PDE1C: variants seen among roughly 807,000 people sequenced by gnomAD.
The protein encoded by PDE1C is phosphodiesterase 1C.
In PDE1C, 62 loss-of-function variants were observed where a neutral mutation model predicts 93.1. The observed-to-expected ratio is 0.67, with a 90% CI of 0.54 to 0.82. PDE1C has a LOEUF of 0.82. Ranked by LOEUF, PDE1C falls within the 40% of genes least tolerant of loss-of-function variation. The pLI, the probability that PDE1C is intolerant of heterozygous loss-of-function variation, is 0.00. For missense variants in PDE1C, 742 were observed against 884.6 expected (o/e 0.84, Z 2.04); for synonymous variants, 325 against 310.1 (o/e 1.05, Z -0.50).
chr7:32,298,998 C>T, exon 1 of PDE1C: 1 of 1,263,410 alleles, frequency 7.9e-7, no homozygotes, highest in South Asian at 2.3e-5. Context: ...CCAGAGGCGG[C>T]GAGAGGAGTG....
intron 1 of PDE1C, among the ~76,000 whole-genome samples, chr7:32,387,514 C>T (rs1237723116): frequency 1.4e-5 from 2 of 147,380 alleles, no homozygotes; most frequent in African/African-American, 2.5e-5. Context: ...CTGACCCCCC[C>T]ACCTCCCTCC....
chr7:32,251,060 C>A (rs1809334681), intron 1 of PDE1C, among the ~76,000 whole-genome samples: 1 of 152,198 alleles, frequency 6.6e-6, no homozygotes, highest in East Asian at 1.9e-4. Flanking sequence ...CACATGCGAG[C>A]GTGCACAAGC....
chr7:32,041,933 C>T (rs745909409), intron 2 of PDE1C, among the ~76,000 whole-genome samples: 15 of 151,952 alleles, frequency 9.9e-5, no homozygotes, highest in African/African-American at 9.7e-5. Flanking sequence ...ATCTTTTTGA[C>T]GTTGATTTAT....
intron 3 of PDE1C, among the ~76,000 whole-genome samples, chr7:32,136,080 A>T (rs773314427): frequency 6.6e-6 from 1 of 152,200 alleles, no homozygotes; most frequent in Non-Finnish European, 1.5e-5. Context: ...AGCTCATAGA[A>T]CCAGAGAGTA....
intron 1 of PDE1C, among the ~76,000 whole-genome samples, chr7:32,406,141 C>T (rs1266048897): frequency 6.6e-6 from 1 of 152,158 alleles, no homozygotes; most frequent in Non-Finnish European, 1.5e-5. Context: ...TAAAAGCACA[C>T]TAGAGGCAAA....
chr7:31,732,338 A>C, the PDE1C span, among the ~76,000 whole-genome samples: 2 of 152,062 alleles, frequency 1.3e-5, no homozygotes, highest in South Asian at 4.2e-4. Flanking sequence ...TACAGTGCCC[A>C]GTTGTTGGAC....
chr7:31,895,443 G>C (rs571507125), intron 2 of PDE1C, among the ~76,000 whole-genome samples: 1 of 152,246 alleles, frequency 6.6e-6, no homozygotes, highest in East Asian at 1.9e-4. Context: ...CTGCTGTCTT[G>C]GAGAGTAACA....
At chr7:31,724,341 C>A in the PDE1C span, among the ~76,000 whole-genome samples, 4 of 152,226 alleles carry the variant, frequency 2.6e-5, no homozygotes, top group East Asian at 1.9e-4. Flanking sequence ...TTTGCCCTAT[C>A]TATGTCCCCT....
At chr7:31,808,478 G>C (rs1044319042) in intron 16 of PDE1C, among the ~76,000 whole-genome samples, 1 of 151,872 alleles carries the variant, frequency 6.6e-6, no homozygotes, top group Non-Finnish European at 1.5e-5. Context: ...TTAATCTTGC[G>C]TTTTGCATTG....
chr7:32,126,860 A>G (rs905843162), intron 3 of PDE1C, among the ~76,000 whole-genome samples: 1 of 152,224 alleles, frequency 6.6e-6, no homozygotes, highest in African/African-American at 2.4e-5. Context: ...AACCTTGAAG[A>G]TAATTGAGGC....
the PDE1C span, among the ~76,000 whole-genome samples, chr7:31,657,513 A>T: frequency 1.3e-5 from 2 of 152,186 alleles, no homozygotes; most frequent in African/African-American, 4.8e-5. Context: ...ATACAAGGAG[A>T]TGAGTTCCAC....
At chr7:32,383,370 A>G (rs1784568159) in intron 1 of PDE1C, among the ~76,000 whole-genome samples, 1 of 152,204 alleles carries the variant, frequency 6.6e-6, no homozygotes, top group Non-Finnish European at 1.5e-5. Flanking sequence ...AAGCTCTGCT[A>G]TTTAATTGCT....
chr7:32,367,013 A>T (rs948933809), intron 1 of PDE1C, among the ~76,000 whole-genome samples: 5 of 152,144 alleles, frequency 3.3e-5, no homozygotes, highest in African/African-American at 9.7e-5. Context: ...TGGGTGACAG[A>T]GTGAGACTCC....
At chr7:31,783,933 A>G (rs886956603) in intron 16 of PDE1C, 1 of 152,198 alleles carries the variant, frequency 6.6e-6, no homozygotes, top group Non-Finnish European at 1.5e-5. Context: ...AAACAAGTCC[A>G]TTATTACCAT....
chr7:32,070,644 A>G (rs1795942261), upstream of PDE1C: 2 of 1,385,270 alleles, frequency 1.4e-6, no homozygotes, highest in Non-Finnish European at 1.9e-6. Flanking sequence ...ATGCCCAGGG[A>G]TAAGCACAGG....
chr7:32,221,720 T>C (rs141241452), intron 1 of PDE1C, among the ~76,000 whole-genome samples: 2 of 141,874 alleles, frequency 1.4e-5, no homozygotes, highest in East Asian at 4.0e-4. Context: ...CTCAATTCTC[T>C]TGGTTTTTCT....
chr7:31,695,769 T>C, the PDE1C span: 5 of 731,840 alleles, frequency 6.8e-6, no homozygotes, highest in African/African-American at 3.6e-5. Context: ...AGTTACAATA[T>C]AGCAAGCTGC....
intron 2 of PDE1C, among the ~76,000 whole-genome samples, chr7:31,994,997 T>C (rs540659803): frequency 1.3e-5 from 2 of 152,130 alleles, no homozygotes; most frequent in Non-Finnish European, 2.9e-5. Flanking sequence ...AAAAAACCCA[T>C]GTGGTCAGGA....
In PDE1C at chr7:32,392,888, AAAAT is replaced by A. The variant is rs572916851; in HGVS notation, c.310+34930_310+34933del. Among the ~76,000 whole-genome samples the A allele has an allele frequency of 3.8e-3, 573 of 152,058 alleles. 1 individual carries two copies. Among genetic ancestry groups the A allele is most frequent in the Non-Finnish European group, 6.3e-3 (431 of 67,990 alleles). ...ACATGCAGAAACCCCGTCTCTACTAAAAATACAAAAATTAGCCAGGCATGGTGGT... is the reference window on the plus strand; with the variant it reads ...ACATGCAGAAACCCCGTCTCTACTAAACAAAAATTAGCCAGGCATGGTGGT... On this transcript the variant is annotated intron_variant, in intron 1 of 1. Transcript: ENST00000672256.
Sources: gnomAD v4.1 joint callset for allele counts (sites outside exome capture counted in the v4.1 genomes callset) on GRCh38, gnomAD v4.1.1 for gene constraint, MANE v1.5 for transcripts, NCBI Gene and HGNC (gene_info 2026-07-23, HGNC 2026-07-21) for gene names.